The following SLC35D4 variants were observed in gnomAD, a reference collection of about 807,000 sequenced individuals.
SLC35D4 encodes the protein UDP-N-acetylglucosamine transporter SLC35D4.
At chr18:23,317,773 C>T in the SLC35D4 span, among the ~76,000 whole-genome samples, 3 of 151,620 alleles carry the variant, frequency 2.0e-5, no homozygotes, top group South Asian at 2.1e-4. Context: ...CGGAGTCTCG[C>T]TCTGTCCCCC....
the SLC35D4 span, among the ~76,000 whole-genome samples, chr18:23,287,841 G>A: frequency 2.1e-3 from 320 of 152,270 alleles, 3 homozygotes; most frequent in African/African-American, 7.3e-3. Context: ...CCGGGGTCGC[G>A]TCCTGTAGCC....
chr18:23,249,780 T>C, the SLC35D4 span, among the ~76,000 whole-genome samples: 2,034 of 152,178 alleles, frequency 0.013, 35 homozygotes, highest in African/African-American at 0.044. Flanking sequence ...TTTCCACTGC[T>C]AGCGATCTTC....
chr18:23,288,216 T>C, the SLC35D4 span, among the ~76,000 whole-genome samples: 10 of 152,176 alleles, frequency 6.6e-5, no homozygotes, highest in African/African-American at 2.2e-4. Flanking sequence ...TTCTTTCCTG[T>C]TCCTCACCCT....
chr18:23,417,804 T>C, the SLC35D4 span, among the ~76,000 whole-genome samples: 30 of 152,342 alleles, frequency 2.0e-4, no homozygotes, highest in African/African-American at 6.7e-4. Flanking sequence ...GTAAATAATT[T>C]ACATCAGATA....
At chr18:23,308,830 C>T in the SLC35D4 span, among the ~76,000 whole-genome samples, 1 of 149,126 alleles carries the variant, frequency 6.7e-6, no homozygotes, top group Non-Finnish European at 1.5e-5. Flanking sequence ...GGAAAGACAC[C>T]CAAACACAGC....
chr18:23,239,962 A>T, the SLC35D4 span, among the ~76,000 whole-genome samples: 1 of 151,410 alleles, frequency 6.6e-6, no homozygotes, highest in Non-Finnish European at 1.5e-5. Context: ...TACTAAAAAT[A>T]AAAAAATTAG....
the SLC35D4 span, chr18:23,421,475 A>G: frequency 1.1e-5 from 17 of 1,607,570 alleles, no homozygotes; most frequent in Non-Finnish European, 1.4e-5. Context: ...TGTGAATTTC[A>G]TAGAGTGCTA....
the SLC35D4 span, among the ~76,000 whole-genome samples, chr18:23,397,546 A>G: frequency 3.3e-5 from 5 of 152,210 alleles, no homozygotes; most frequent in African/African-American, 1.2e-4. Context: ...CTCTGGACAA[A>G]GCCATTCGTG....
chr18:23,414,247 C>CT, the SLC35D4 span, among the ~76,000 whole-genome samples: 1 of 147,694 alleles, frequency 6.8e-6, no homozygotes, highest in Admixed American at 6.9e-5. Context: ...GAGTGAGACT[C>CT]TGTCTCAAAA....
At chr18:23,303,718 T>C in the SLC35D4 span, among the ~76,000 whole-genome samples, 9 of 151,954 alleles carry the variant, frequency 5.9e-5, no homozygotes, top group Admixed American at 3.3e-4. Context: ...CTGGCCAACA[T>C]GGCAAAACCT....
the SLC35D4 span, among the ~76,000 whole-genome samples, chr18:23,391,778 T>A: frequency 2.6e-5 from 4 of 152,158 alleles, no homozygotes; most frequent in Non-Finnish European, 5.9e-5. Flanking sequence ...TGGGCCACCA[T>A]GTCTAGACTT....
the SLC35D4 span, among the ~76,000 whole-genome samples, chr18:23,267,496 T>C: frequency 4.6e-5 from 7 of 151,850 alleles, no homozygotes; most frequent in African/African-American, 1.7e-4. Flanking sequence ...ATCTTCTCAA[T>C]AGGGACTTGC....
chr18:23,310,288 T>C, the SLC35D4 span: 3 of 984,958 alleles, frequency 3.0e-6, no homozygotes, highest in Non-Finnish European at 3.6e-6. Context: ...AAAGGAGTGA[T>C]TAAATCATTA....
At chr18:23,321,008 C>T in the SLC35D4 span, among the ~76,000 whole-genome samples, 2 of 152,206 alleles carry the variant, frequency 1.3e-5, 1 homozygote, top group South Asian at 4.1e-4. Flanking sequence ...GCTATTCTAG[C>T]TTCCAGTCCA....
chr18:23,288,690 G>A, the SLC35D4 span, among the ~76,000 whole-genome samples: 8 of 152,248 alleles, frequency 5.3e-5, no homozygotes, highest in Admixed American at 2.6e-4. Context: ...AGGCCACCAC[G>A]GTCATTTCTT....
chr18:23,417,953 C>G, the SLC35D4 span, among the ~76,000 whole-genome samples: 1 of 152,144 alleles, frequency 6.6e-6, no homozygotes, highest in Non-Finnish European at 1.5e-5. Flanking sequence ...CCATTTGGAG[C>G]CAGGGTCCTT....
At chr18:23,336,071 A>G in the SLC35D4 span, among the ~76,000 whole-genome samples, 1 of 147,376 alleles carries the variant, frequency 6.8e-6, no homozygotes, top group Admixed American at 6.8e-5. Flanking sequence ...ACTGGAAATT[A>G]AAAAAAAAAA....
the SLC35D4 span, chr18:23,399,556 T>C: frequency 6.2e-7 from 1 of 1,613,570 alleles, no homozygotes; most frequent in Non-Finnish European, 8.5e-7. Context: ...CCTGAACCTC[T>C]AATACTTACC....
the SLC35D4 span, among the ~76,000 whole-genome samples, chr18:23,364,319 T>A: frequency 6.0e-5 from 9 of 150,776 alleles, no homozygotes; most frequent in East Asian, 5.8e-4. Context: ...TGTTTGTTTT[T>A]AAAAAAAAAC....
Sources: allele counts gnomAD v4.1 joint callset (sites outside exome capture counted in the v4.1 genomes callset), GRCh38; gene constraint gnomAD v4.1.1; transcripts MANE v1.5; gene names NCBI Gene and HGNC (gene_info 2026-07-23, HGNC 2026-07-21).